TSHZ2: variants seen among roughly 807,000 people sequenced by gnomAD.
TSHZ2 encodes teashirt zinc finger homeobox 2.
In TSHZ2, 21 loss-of-function variants were observed where a neutral mutation model predicts 74.4. The ratio of observed to expected loss-of-function variants is 0.28; its 90% CI spans 0.20 to 0.41. The LOEUF is 0.41. Ranked by LOEUF, TSHZ2 falls within the 10% of genes least tolerant of loss-of-function variation. The probability of loss-of-function intolerance (pLI) is 1.00; values close to 1 mark genes in which losing one functional copy is unlikely to be tolerated. For missense variants in TSHZ2, 1,244 were observed against 1,293.5 expected, an observed-to-expected ratio of 0.96 and a Z score of 0.59; for synonymous variants, 540 against 515.3, an observed-to-expected ratio of 1.05 and a Z score of -0.65.
chr20:53,438,425 G>A (rs188339844), intron 2 of TSHZ2, among the ~76,000 whole-genome samples: 1 of 152,104 alleles, frequency 6.6e-6, no homozygotes, highest in African/African-American at 2.4e-5. Flanking sequence ...TGGTGGCTCA[G>A]AAACCTCCAG....
At chr20:53,163,750 T>A (rs1312363680) in intron 1 of TSHZ2, among the ~76,000 whole-genome samples, 1 of 152,178 alleles carries the variant, frequency 6.6e-6, no homozygotes, top group Non-Finnish European at 1.5e-5. Context: ...GACTCTTCAT[T>A]CCCAGTGGCT....
intron 2 of TSHZ2, among the ~76,000 whole-genome samples, chr20:53,427,024 T>C (rs1983681095): frequency 6.6e-6 from 1 of 152,240 alleles, no homozygotes; most frequent in Admixed American, 6.5e-5. Flanking sequence ...CTTCACTTTC[T>C]ACTCTTTTGA....
intron 2 of TSHZ2, among the ~76,000 whole-genome samples, chr20:53,288,826 T>C (rs552600675): frequency 1.3e-5 from 2 of 152,322 alleles, no homozygotes; most frequent in African/African-American, 4.8e-5. Flanking sequence ...TTTATTTTAA[T>C]TTAATTCAAT....
intron 1 of TSHZ2, among the ~76,000 whole-genome samples, chr20:53,233,678 G>T (rs900934435): frequency 6.6e-6 from 1 of 152,204 alleles, no homozygotes; most frequent in Non-Finnish European, 1.5e-5. Flanking sequence ...TAAATTATCT[G>T]CTTGTTCAAA....
At chr20:52,980,345 T>C (rs529919008) in intron 1 of TSHZ2, among the ~76,000 whole-genome samples, 19 of 152,154 alleles carry the variant, frequency 1.2e-4, no homozygotes, top group Middle Eastern at 3.4e-3. Flanking sequence ...ACTAATTTAA[T>C]TGAAAAGCTG....
At chr20:53,473,487 C>A (rs1446351949) in intron 2 of TSHZ2, among the ~76,000 whole-genome samples, 2 of 137,886 alleles carry the variant, frequency 1.5e-5, no homozygotes, top group African/African-American at 5.7e-5. Context: ...AATGGACATC[C>A]ACACCAAAAA....
chr20:53,274,643 A>G (rs1202658317), intron 2 of TSHZ2, among the ~76,000 whole-genome samples: 1 of 152,218 alleles, frequency 6.6e-6, no homozygotes, highest in Non-Finnish European at 1.5e-5. Context: ...CATAATTGTA[A>G]CCACTTGATG....
chr20:53,343,339 C>T (rs1980297769), intron 2 of TSHZ2, among the ~76,000 whole-genome samples: 1 of 152,172 alleles, frequency 6.6e-6, no homozygotes, highest in African/African-American at 2.4e-5. Context: ...TGACTCCTAC[C>T]TCACATTTTC....
At chr20:53,397,231 C>T (rs1600606310) in intron 2 of TSHZ2, among the ~76,000 whole-genome samples, 1 of 152,186 alleles carries the variant, frequency 6.6e-6, no homozygotes, top group African/African-American at 2.4e-5. Context: ...ACCCATCTGA[C>T]AGAGGGCTAA....
chr20:53,196,212 G>A (rs893798084), intron 1 of TSHZ2: 12 of 151,986 alleles, frequency 7.9e-5, no homozygotes, highest in Admixed American at 2.0e-4. Context: ...TCAGCTCATG[G>A]AACTAATAGA....
chr20:53,092,766 G>T (rs937025439), intron 1 of TSHZ2, among the ~76,000 whole-genome samples: 17 of 152,190 alleles, frequency 1.1e-4, no homozygotes, highest in African/African-American at 4.1e-4. Flanking sequence ...AAGTATCTTT[G>T]TTGCATCACG....
chr20:53,239,801 C>G (rs1990023530), intron 1 of TSHZ2, among the ~76,000 whole-genome samples: 1 of 151,926 alleles, frequency 6.6e-6, no homozygotes, highest in Non-Finnish European at 1.5e-5. Context: ...AATATATACA[C>G]CAAGGAACGA....
intron 2 of TSHZ2, among the ~76,000 whole-genome samples, chr20:53,429,211 C>T (rs1038948609): frequency 6.6e-5 from 10 of 152,214 alleles, no homozygotes; most frequent in African/African-American, 2.2e-4. Flanking sequence ...GCAACCTCCA[C>T]CACAGAGAAT....
At chr20:52,982,779 T>C (rs1057340913) in intron 1 of TSHZ2, among the ~76,000 whole-genome samples, 1 of 151,994 alleles carries the variant, frequency 6.6e-6, no homozygotes, top group African/African-American at 2.4e-5. Flanking sequence ...CCATGTTATA[T>C]AGAGTGGTCA....
At chr20:53,422,157 A>T (rs1385558820) in intron 2 of TSHZ2, among the ~76,000 whole-genome samples, 1 of 152,174 alleles carries the variant, frequency 6.6e-6, no homozygotes, top group Non-Finnish European at 1.5e-5. Flanking sequence ...GGTTATGATT[A>T]TGAAATAATA....
intron 1 of TSHZ2, among the ~76,000 whole-genome samples, chr20:53,180,206 T>G (rs1476914632): frequency 6.6e-6 from 1 of 152,190 alleles, no homozygotes; most frequent in Admixed American, 6.5e-5. Context: ...TTGATAGAAT[T>G]GTACACTGTA....
intron 1 of TSHZ2, among the ~76,000 whole-genome samples, chr20:52,985,768 G>A (rs1202545381): frequency 6.6e-6 from 1 of 152,128 alleles, no homozygotes; most frequent in Non-Finnish European, 1.5e-5. Flanking sequence ...CCAAGGAGCC[G>A]AAAGCATGTC....
chr20:53,069,750 G>A (rs1032358032), intron 1 of TSHZ2, among the ~76,000 whole-genome samples: 4 of 149,862 alleles, frequency 2.7e-5, no homozygotes, highest in Non-Finnish European at 5.9e-5. Flanking sequence ...GCAAAGAGAC[G>A]CCACTGGATG....
intron 1 of TSHZ2, among the ~76,000 whole-genome samples, chr20:53,022,257 C>T (rs1341129954): frequency 5.9e-5 from 9 of 152,204 alleles, no homozygotes; most frequent in Admixed American, 2.0e-4. Context: ...ATCGTGGAGT[C>T]CCTTACATAA....
Sources: gnomAD v4.1 joint callset for allele counts (sites outside exome capture counted in the v4.1 genomes callset) on GRCh38, gnomAD v4.1.1 for gene constraint, MANE v1.5 for transcripts, NCBI Gene and HGNC (gene_info 2026-07-23, HGNC 2026-07-21) for gene names.